CFAP96: variants seen among roughly 807,000 people sequenced by gnomAD.
CFAP96 encodes the protein cilia-and flagella-associated protein 96.
At chr4:185,446,040 C>A in the CFAP96 span, among the ~76,000 whole-genome samples, 496 of 152,142 alleles carry the variant, frequency 3.3e-3, 3 homozygotes, top group African/African-American at 0.012. Context: ...GGAGTTTCTC[C>A]ATGTTGGTAA....
the CFAP96 span, among the ~76,000 whole-genome samples, chr4:185,420,514 T>C: frequency 1.3e-5 from 2 of 151,952 alleles, no homozygotes; most frequent in African/African-American, 2.4e-5. Flanking sequence ...AATAAATAAA[T>C]AAACAACGAC....
chr4:185,425,817 CA>C, the CFAP96 span: 1 of 1,589,924 alleles, frequency 6.3e-7, no homozygotes, highest in Non-Finnish European at 8.6e-7. Context: ...TGGCGGCTGC[CA>C]AAGTCCGGGG....
the CFAP96 span, among the ~76,000 whole-genome samples, chr4:185,437,250 C>A: frequency 2.6e-5 from 4 of 152,194 alleles, no homozygotes; most frequent in Admixed American, 1.3e-4. Flanking sequence ...TAGCATATGC[C>A]TCTTACACTC....
At chr4:185,449,489 C>A in the CFAP96 span, 2 of 684,544 alleles carry the variant, frequency 2.9e-6, no homozygotes, top group Non-Finnish European at 4.9e-6. Context: ...CACCACTGCA[C>A]TCCAGCCTGG....
the CFAP96 span, among the ~76,000 whole-genome samples, chr4:185,443,342 A>ATATTTTTTT: frequency 1.9e-4 from 5 of 26,726 alleles, no homozygotes; most frequent in South Asian, 2.1e-3. Flanking sequence ...ATATATATAT[A>ATATTTTTTT]TTTTTTTTTT....
chr4:185,439,070 G>T, the CFAP96 span, among the ~76,000 whole-genome samples: 1 of 152,152 alleles, frequency 6.6e-6, no homozygotes, highest in African/African-American at 2.4e-5. Flanking sequence ...CCATGCTGTA[G>T]CAAAAAGTGA....
chr4:185,448,336 A>G, the CFAP96 span, among the ~76,000 whole-genome samples: 1 of 152,150 alleles, frequency 6.6e-6, no homozygotes. Context: ...GCCCGGTCAG[A>G]AATACATTTT....
the CFAP96 span, among the ~76,000 whole-genome samples, chr4:185,434,398 A>C: frequency 2.0e-5 from 3 of 151,626 alleles, no homozygotes; most frequent in East Asian, 5.8e-4. Flanking sequence ...TCCTTTTGTC[A>C]CTACTTTCTT....
chr4:185,423,575 G>A, the CFAP96 span, among the ~76,000 whole-genome samples: 1 of 151,866 alleles, frequency 6.6e-6, no homozygotes, highest in Non-Finnish European at 1.5e-5. Context: ...AAAAAAATAG[G>A]AATATCATAT....
the CFAP96 span, chr4:185,429,452 G>A: frequency 1.3e-6 from 2 of 1,538,808 alleles, no homozygotes; most frequent in East Asian, 5.0e-5. Flanking sequence ...GAAAGGATTG[G>A]CCTCTTTAGT....
the CFAP96 span, chr4:185,418,850 A>G: frequency 3.5e-6 from 4 of 1,151,134 alleles, no homozygotes; most frequent in Non-Finnish European, 4.7e-6. Flanking sequence ...ACAAAAGTAG[A>G]GCATAGTAAA....
At chr4:185,428,824 T>C in the CFAP96 span, among the ~76,000 whole-genome samples, 1 of 152,168 alleles carries the variant, frequency 6.6e-6, no homozygotes, top group African/African-American at 2.4e-5. Flanking sequence ...ACTTATTATG[T>C]TTATTTAAAC....
At chr4:185,418,372 G>C in the CFAP96 span, 1 of 1,193,144 alleles carries the variant, frequency 8.4e-7, no homozygotes, top group Non-Finnish European at 1.2e-6. Flanking sequence ...TTATTTCTAA[G>C]ATTGCACTCA....
chr4:185,418,415 G>C, the CFAP96 span: 5 of 1,551,794 alleles, frequency 3.2e-6, no homozygotes, highest in South Asian at 2.3e-5. Flanking sequence ...ATTTTTATCA[G>C]TACAGAAGAC....
At chr4:185,445,413 G>A in the CFAP96 span, 7 of 947,114 alleles carry the variant, frequency 7.4e-6, no homozygotes, top group Non-Finnish European at 1.2e-5. Context: ...TGAGTCATTT[G>A]AGATGAGTTA....
chr4:185,413,725 C>T, the CFAP96 span: 8 of 1,606,756 alleles, frequency 5.0e-6, no homozygotes, highest in Non-Finnish European at 5.9e-6. Context: ...GTTAAACTCA[C>T]CATACCAGTC....
chr4:185,410,984 A>G, the CFAP96 span, among the ~76,000 whole-genome samples: 1 of 151,452 alleles, frequency 6.6e-6, no homozygotes, highest in African/African-American at 2.4e-5. Flanking sequence ...ATTAGCAATA[A>G]GCTAACATGT....
chr4:185,428,861 G>GT, the CFAP96 span, among the ~76,000 whole-genome samples: 12 of 151,964 alleles, frequency 7.9e-5, 1 homozygote, highest in East Asian at 1.2e-3. Context: ...GAGTTGTAGG[G>GT]TAATACCTCA....
the CFAP96 span, among the ~76,000 whole-genome samples, chr4:185,423,773 C>A: frequency 2.4e-4 from 37 of 152,044 alleles, no homozygotes; most frequent in Non-Finnish European, 4.9e-4. Context: ...CATATATACA[C>A]ACACAGATAC....
Sources: allele counts gnomAD v4.1 joint callset (sites outside exome capture counted in the v4.1 genomes callset), GRCh38; gene constraint gnomAD v4.1.1; transcripts MANE v1.5; gene names NCBI Gene and HGNC (gene_info 2026-07-23, HGNC 2026-07-21).